ZPBP2: variants seen among roughly 807,000 people sequenced by gnomAD.
ZPBP2 encodes zona pellucida binding protein 2.
A neutral mutation model predicts 37.5 loss-of-function variants in ZPBP2; 34 were observed. That is an observed-to-expected ratio of 0.91 (90% CI 0.69 to 1.21). ZPBP2 has a LOEUF of 1.21. Ranked by LOEUF, ZPBP2 falls within the 50% of genes most tolerant of loss-of-function variation. ZPBP2 has a pLI of 0.00. For synonymous variants in ZPBP2, 143 were observed against 138.4 expected, an observed-to-expected ratio of 1.03 and a Z score of -0.23; for missense variants, 397 against 413.5, an observed-to-expected ratio of 0.96 and a Z score of 0.35.
In ZPBP2 at chr17:39,877,534, C is replaced by G. The variant is rs1266033980; in HGVS notation, c.*725C>G. ...ACAAATTCATAATGGCATGTGTGCACCATTGCAGTCTCATACAGAATAGTT... is the reference window on the plus strand; with the variant it reads ...ACAAATTCATAATGGCATGTGTGCAGCATTGCAGTCTCATACAGAATAGTT... On this transcript the variant is annotated 3_prime_UTR_variant, in exon 8 of 8. Coordinates refer to ENST00000348931, the MANE Select transcript of ZPBP2 (RefSeq NM_199321.3). The G allele has an allele frequency of 6.6e-6, 1 of 152,100 alleles. No individual in the cohort carries two copies. Among genetic ancestry groups the G allele is most frequent in the Non-Finnish European group, 1.5e-5 (1 of 68,032 alleles). 9.4% of individuals were successfully genotyped at this position (152,100 alleles called of 1,614,324 possible). A position where few individuals can be genotyped will look rare whatever the true frequency, so the allele number is the denominator to read the frequency against.
intron 6 of ZPBP2, among the ~76,000 whole-genome samples, chr17:39,874,699 C>G (rs1429649248): frequency 6.6e-6 from 1 of 152,098 alleles, no homozygotes; most frequent in Non-Finnish European, 1.5e-5. Context: ...TCCCAAAGTG[C>G]TGGGATCACA....
In ZPBP2 at chr17:39,871,595, G is replaced by A; in HGVS notation, c.376G>A (p.Val126Ile). ...VKAETQEEKTVKKRYDFMVFA... is the reference protein window; with the variant it reads ...VKAETQEEKTIKKRYDFMVFA... ...AGCAGAAACTCAAGAAGAAAAAACA[G>A]TCAAAAAGAGATATGACTTTATGGT... Residue 126 changes from valine (V) to isoleucine (I), a missense_variant, in exon 4 of 8, where the codon GTC becomes ATC. By Grantham distance (29) the Val-to-Ile change is conservative (BLOSUM62 3). Coordinates refer to ENST00000348931, the MANE Select transcript of ZPBP2 (RefSeq NM_199321.3). 1.3e-6 allele frequency: 2 copies of A among 1,591,198 alleles called. No homozygotes were observed. The highest frequency in any genetic ancestry group is 1.8e-5 in the Admixed American group (1 of 55,532).
In ZPBP2 at chr17:39,869,146, A is replaced by G. The variant is rs530229232; in HGVS notation, c.118+532A>G. Among the ~76,000 whole-genome samples the G allele has an allele frequency of 2.6e-5, 4 of 152,168 alleles. No homozygotes were observed. The South Asian group carries it at 6.2e-4, about 24-fold the overall frequency. On this transcript the variant is annotated intron_variant, in intron 2 of 7. Coordinates refer to ENST00000348931, the MANE Select transcript of ZPBP2 (RefSeq NM_199321.3). Reference sequence around the variant, plus strand: ...GTTTGAGTTCTCTCCCCGACCCCCAACCAAATTGTAGGACGTTGTCTTTAT... The same window carrying G: ...GTTTGAGTTCTCTCCCCGACCCCCAGCCAAATTGTAGGACGTTGTCTTTAT...
At chr17:39,870,631 A>C (rs1488006682) in intron 2 of ZPBP2, 63 bp from the exon 3 acceptor site, 1 of 972,126 alleles carries the variant, frequency 1.0e-6, no homozygotes, top group Non-Finnish European at 1.4e-6. Flanking sequence ...AAATGGTAGG[A>C]GTATATTTCT....
Position 39,868,381 on chromosome 17 carries a change from C to T in ZPBP2, c.27C>T (p.Ser9=), listed in dbSNP as rs769988434. ...TGATGCGAACGTGCGTCCTACTCTC[C>T]GCGGTGCTCTGGTGCCTCACAGGAG... MMRTCVLL[S]AVLWCLTGVQ... is the part of the protein sequence containing the mutation. The change falls in exon 1 of 8, where the codon TCC becomes TCT. Residue 9 remains serine, a synonymous_variant. Coordinates refer to ENST00000348931, the MANE Select transcript of ZPBP2 (RefSeq NM_199321.3). 6.8e-6 allele frequency: 11 copies of T among 1,610,278 alleles called. No individual in the cohort carries two copies. The highest frequency in any genetic ancestry group is 1.3e-5 in the African/African-American group (1 of 74,916).
At chr17:39,869,869 T>A (rs1400014682) in intron 2 of ZPBP2, among the ~76,000 whole-genome samples, 1 of 151,048 alleles carries the variant, frequency 6.6e-6, no homozygotes, top group African/African-American at 2.4e-5. Context: ...CCCACCACCA[T>A]GCCTGGCAAA....
At chr17:39,872,180 A>T in intron 4 of ZPBP2, 90 bp from the exon 5 acceptor site, 1 of 919,710 alleles carries the variant, frequency 1.1e-6, no homozygotes, top group Non-Finnish European at 1.6e-6. Context: ...GATGGGATTT[A>T]GTATTACATA....
intron 2 of ZPBP2, among the ~76,000 whole-genome samples, chr17:39,868,864 GC>G (rs1236691143): frequency 2.7e-4 from 41 of 152,160 alleles, no homozygotes; most frequent in African/African-American, 9.9e-4. Context: ...TCTCTCAGAT[GC>G]CATCTCACTT....
Position 39,868,599 on chromosome 17 carries a change from A to C in ZPBP2, c.103A>C (p.Lys35Gln). ...CAATAAGAAGGGCTTCATTTATGGC[A>C]AGACAGGACAGCCAGGTAATAAGGG... is the stretch of plus-strand genomic sequence containing the variant. ...LFNKKGFIYG[K>Q]TGQPDKIYVE... is the part of the protein sequence containing the mutation. The change falls in exon 2 of 8, where the codon AAG becomes CAG. Residue 35 changes from lysine to glutamine, a missense_variant. By Grantham distance (53) the Lys-to-Gln change is moderately conservative. Coordinates refer to ENST00000348931, the MANE Select transcript of ZPBP2 (RefSeq NM_199321.3). 3.7e-6 allele frequency: 6 copies of C among 1,614,142 alleles called. No homozygotes were observed. The highest frequency in any genetic ancestry group is 5.1e-6 in the Non-Finnish European group (6 of 1,180,024).
intron 5 of ZPBP2, 121 bp downstream of exon 5, chr17:39,872,609 A>G (rs1184426649): frequency 4.4e-6 from 3 of 679,298 alleles, no homozygotes; most frequent in African/African-American, 1.8e-5. Flanking sequence ...GTTAAGCACT[A>G]AAGTATGTAG....
At chr17:39,875,042 C>A (rs555080822) in intron 6 of ZPBP2, among the ~76,000 whole-genome samples, 1 of 152,376 alleles carries the variant, frequency 6.6e-6, no homozygotes, top group Admixed American at 6.5e-5. Flanking sequence ...AGCCACCGCT[C>A]CCAGCCAATT....
In ZPBP2 at chr17:39,868,424, C is replaced by A; in HGVS notation, c.52+18C>A. On this transcript the variant is annotated intron_variant, in intron 1 of 7. Transcript: ENST00000348931. ...CACAGGAGGTGGGGCTCCCTCCACC[C>A]GGTCCCCAGGCCTCTCCCTCTGCCC... 1 of 1,611,194 alleles carries A rather than the reference C, an allele frequency of 6.2e-7. No individual in the cohort carries two copies.
At chr17:39,873,981 C>CTTTT (rs1037217858) in intron 6 of ZPBP2, among the ~76,000 whole-genome samples, 19 of 117,330 alleles carry the variant, frequency 1.6e-4, no homozygotes, top group Admixed American at 2.6e-4. Flanking sequence ...AAAGAAAAGT[C>CTTTT]TTTTTTTTTT....
At chr17:39,873,656 C>T (rs2063375580) in intron 6 of ZPBP2, among the ~76,000 whole-genome samples, 1 of 151,966 alleles carries the variant, frequency 6.6e-6, no homozygotes, top group Non-Finnish European at 1.5e-5. Flanking sequence ...AGGATAGATC[C>T]CTGGTCTTTG....
intron 6 of ZPBP2, among the ~76,000 whole-genome samples, chr17:39,874,377 C>T (rs1193746244): frequency 6.6e-6 from 1 of 152,100 alleles, no homozygotes; most frequent in Non-Finnish European, 1.5e-5. Flanking sequence ...CAATTATCTA[C>T]ATATGGGATA....
In ZPBP2 at chr17:39,873,026, C is replaced by G. The variant is rs753244978; in HGVS notation, c.626-18C>G. ...TTTCAGAATCCCTTTGTGAGTCTAT[C>G]ATTTTTTTTCTCTTCAGTTAATCCT... On this transcript the variant is annotated intron_variant, in intron 5 of 7. Transcript: ENST00000348931. The G allele has an allele frequency of 5.6e-6, 9 of 1,607,288 alleles. No homozygotes were observed. The highest frequency in any genetic ancestry group is 6.8e-6 in the Non-Finnish European group (8 of 1,176,132).
At chr17:39,868,651 G>A (rs762696699) in intron 2 of ZPBP2, 37 bp downstream of exon 2, 1 of 1,612,342 alleles carries the variant, frequency 6.2e-7, no homozygotes, top group African/African-American at 1.3e-5. Flanking sequence ...CCCATTGGAG[G>A]GGCCGGAACT....
intron 6 of ZPBP2, among the ~76,000 whole-genome samples, chr17:39,873,475 TG>T (rs2063374841): frequency 6.6e-6 from 1 of 152,164 alleles, no homozygotes; most frequent in African/African-American, 2.4e-5. Flanking sequence ...TATTGATTTT[TG>T]GTTTCAGTTT....
intron 5 of ZPBP2, 46 bp downstream of exon 5, chr17:39,872,534 A>G (rs1230676476): frequency 3.3e-6 from 4 of 1,221,234 alleles, no homozygotes. Flanking sequence ...GTCCTGAACC[A>G]TAATAGATTA....
Sources: allele counts gnomAD v4.1 joint callset (sites outside exome capture counted in the v4.1 genomes callset), GRCh38; gene constraint gnomAD v4.1.1; transcripts MANE v1.5; gene names NCBI Gene and HGNC (gene_info 2026-07-23, HGNC 2026-07-21).